Variants in TTN observed in about 807,000 individuals in gnomAD.
TTN encodes titin, also known as connectin.
TTN carries 1,525 observed loss-of-function variants against 3,223.0 expected under a neutral mutation model. The ratio of observed to expected loss-of-function variants is 0.47; its 90% CI spans 0.45 to 0.49. TTN has a LOEUF of 0.49. TTN is among the 20% of genes least tolerant of loss of function. The probability of loss-of-function intolerance (pLI) is 0.00; values close to 1 mark genes in which losing one functional copy is unlikely to be tolerated. For missense variants in TTN, 40,786 were observed against 43,424.0 expected, an observed-to-expected ratio of 0.94 and a Z score of 5.40; for synonymous variants, 14,094 against 15,161.0, an observed-to-expected ratio of 0.93 and a Z score of 5.17.
In TTN at chr2:178,781,135, G is replaced by A. The variant is rs759110931; in HGVS notation, c.3509C>T (p.Ser1170Phe). 8 of 1,613,960 alleles carry A rather than the reference G, an allele frequency of 5.0e-6. No individual in the cohort carries two copies. In the South Asian group the frequency reaches 8.8e-5, roughly 18 times the overall value. The change falls in exon 21 of 363, where the codon TCC becomes TTC. Residue 1170 changes from serine to phenylalanine, a missense_variant. Coordinates refer to ENST00000589042, the MANE Select transcript of TTN (RefSeq NM_001267550.2). ...NKHGETSASA[S>F]LLEEADYELL... ...GTTGCACTTACCTTCTTCAAGCAAGGAAGCAGATGCAGAAGTTTCTCCATG... is the reference window on the plus strand; with the variant it reads ...GTTGCACTTACCTTCTTCAAGCAAGAAAGCAGATGCAGAAGTTTCTCCATG...
chr2:178,587,528 C>T lies in TTN; in HGVS notation c.63781G>A (p.Val21261Ile). 1.2e-6 allele frequency: 2 copies of T among 1,609,120 alleles called. No homozygotes were observed. Among genetic ancestry groups the T allele is most frequent in the South Asian group, 2.2e-5 (2 of 90,558 alleles). ...PAGEKAVFVNVRVLDTPGPVS... is the reference protein window; with the variant it reads ...PAGEKAVFVNIRVLDTPGPVS... Reference sequence around the variant, plus strand: ...TTTAGTAACCCACCTAATACTCTGACATTTACGAATACAGCCTTTTCTCCT... The same window carrying T: ...TTTAGTAACCCACCTAATACTCTGATATTTACGAATACAGCCTTTTCTCCT... Residue 21261 changes from valine to isoleucine, a missense_variant, in exon 306 of 363, where the codon GTC becomes ATC. By Grantham distance (29) the Val-to-Ile change is conservative (BLOSUM62 3). Transcript: ENST00000589042.
Position 178,720,947 on chromosome 2 carries a change from C to T in TTN, c.23072G>A (p.Ser7691Asn). 1.3e-6 allele frequency: 2 copies of T among 1,598,288 alleles called. No homozygotes were observed. Among genetic ancestry groups the T allele is most frequent in the Non-Finnish European group, 1.7e-6 (2 of 1,167,568 alleles). ...CEAHNGVGDA[S>N]CSTALTVKAP... The stretch of plus-strand genomic sequence containing the variant: ...TTTCACTGTCAACGCTGTGCTGCAG[C>T]TGGCGTCACCAACACCATTATGAGC... The change falls in exon 79 of 363, where the codon AGC (serine) becomes AAC (asparagine). Residue 7691 changes from serine to asparagine, a missense_variant. Transcript: ENST00000589042.
chr2:178,720,104 G>T lies in TTN; in HGVS notation c.23538C>A (p.Phe7846Leu). 2 of 1,613,750 alleles carry T rather than the reference G, an allele frequency of 1.2e-6. No homozygotes were observed. The highest frequency in any genetic ancestry group is 1.7e-6 in the Non-Finnish European group (2 of 1,179,716). Reference sequence around the variant, plus strand: ...GCTGGAGGGTTGCAATGTTATCAATGAATGAAATCCTGGTATTTTCACTCT... The same window carrying T: ...GCTGGAGGGTTGCAATGTTATCAATTAATGAAATCCTGGTATTTTCACTCT... ...IRESENTRIS[F>L]IDNIATLQLG... The change falls in exon 81 of 363, where the codon TTC (phenylalanine) becomes TTA (leucine). Residue 7846 changes from phenylalanine to leucine, a missense_variant. Physicochemically the swap from Phe to Leu is conservative, Grantham distance 22. Coordinates refer to ENST00000589042, the MANE Select transcript of TTN (RefSeq NM_001267550.2).
chr2:178,701,508 G>A lies in TTN; in HGVS notation c.30598+20C>T, dbSNP rs752024504. On this transcript the variant is annotated intron_variant, in intron 110 of 362. Coordinates refer to ENST00000589042, the MANE Select transcript of TTN (RefSeq NM_001267550.2). ...GAATATTGCTGCTCCAAGCTCAGAT[G>A]TTGAGGTTCTGGGTCTTACCTTCTG... is the stretch of plus-strand genomic sequence containing the variant. The A allele has an allele frequency of 1.9e-6, 3 of 1,606,406 alleles. No individual in the cohort carries two copies. The highest frequency in any genetic ancestry group is 3.3e-4 in the Middle Eastern group (2 of 6,008).
Position 178,706,933 on chromosome 2 carries a change from G to A in TTN, c.29063C>T (p.Ala9688Val). ...TCCATCTACCGCAGCTTTCTTGGTT[G>A]CTGGGGCCACAGCTGGTTTGTCTGA... is the stretch of plus-strand genomic sequence containing the variant. ...TIKDKPAVAPATKKAAVDGRL... is the reference protein window; with the variant it reads ...TIKDKPAVAPVTKKAAVDGRL... The change falls in exon 101 of 363, where the codon GCA becomes GTA. Residue 9688 changes from alanine to valine, a missense_variant. Physicochemically the swap from Ala to Val is moderately conservative, Grantham distance 64 (BLOSUM62 0). Coordinates refer to ENST00000589042, the MANE Select transcript of TTN (RefSeq NM_001267550.2). 2 of 1,610,950 alleles carry A rather than the reference G, an allele frequency of 1.2e-6. No homozygotes were observed. The highest frequency in any genetic ancestry group is 2.2e-5 in the South Asian group (2 of 90,236).
Position 178,619,657 on chromosome 2 carries a change from T to A in TTN, c.46660A>T (p.Lys15554Ter). The A allele has an allele frequency of 6.2e-7, 1 of 1,612,130 alleles. No individual in the cohort carries two copies. The highest frequency in any genetic ancestry group is 8.5e-7 in the Non-Finnish European group (1 of 1,178,810). The change falls in exon 250 of 363, where the codon AAA becomes TAA. Residue 15554 changes from lysine (K) to a stop codon, truncating the protein, a stop_gained. Transcript: ENST00000589042. LOFTEE classifies it high-confidence loss of function. ...RDQGEYRFIA[K>*]DKEARAKLEL... is the part of the protein sequence containing the mutation. Reference sequence around the variant, plus strand: ...AGCTTAGCTCTGGCTTCTTTGTCTTTGGCAATAAATCTGTATTCACCCTGG... The same window carrying A: ...AGCTTAGCTCTGGCTTCTTTGTCTTAGGCAATAAATCTGTATTCACCCTGG...
In TTN at chr2:178,543,298, T is replaced by C; in HGVS notation, c.96675A>G (p.Lys32225=). 3 of 1,613,724 alleles carry C rather than the reference T, an allele frequency of 1.9e-6. No individual in the cohort carries two copies. Among genetic ancestry groups the C allele is most frequent in the East Asian group, 2.2e-5 (1 of 44,850 alleles). Residue 32225 remains lysine, a synonymous_variant, in exon 347 of 363, where the codon AAA becomes AAG. Coordinates refer to ENST00000589042, the MANE Select transcript of TTN (RefSeq NM_001267550.2). ...TKSTVTLAWE[K]PLYDGGSRLT... ...GTCGGCTACCACCATCGTAGAGTGG[T>C]TTTTCCCAGGCAAGGGTAACAGTGG...
At position 178,724,479 on chromosome 2, in the gene TTN, T is replaced by C. The variant is rs764077044; in HGVS notation, c.20896A>G (p.Thr6966Ala). 4.3e-6 allele frequency: 7 copies of C among 1,612,390 alleles called. No homozygotes were observed. The highest frequency in any genetic ancestry group is 1.1e-5 in the South Asian group (1 of 90,992). Residue 6966 changes from threonine (T) to alanine (A), a missense_variant, in exon 72 of 363, where the codon ACT (threonine) becomes GCT (alanine). Transcript: ENST00000589042. ...GTGCCAGCCACCTTACACTCCAGAG[T>C]GCACGTTTCTCCTACAGTCACCGTC... ...PMTVTVGETC[T>A]LECKVAGTPE... is the part of the protein sequence containing the mutation.
Position 178,557,731 on chromosome 2 carries a change from T to A in TTN, c.87623A>T (p.Tyr29208Phe), listed in dbSNP as rs201831707. 806 of 1,613,874 alleles carry A rather than the reference T, an allele frequency of 5.0e-4. No individual in the cohort carries two copies. The highest frequency in any genetic ancestry group is 6.4e-4 in the Non-Finnish European group (758 of 1,179,864). Residue 29208 changes from tyrosine to phenylalanine, a missense_variant, in exon 328 of 363, where the codon TAC (tyrosine) becomes TTC (phenylalanine). Transcript: ENST00000589042. ...KVMKLTTGEEYQFRIKAENRF... is the reference protein window; with the variant it reads ...KVMKLTTGEEFQFRIKAENRF... ...GTTTTCTGCCTTGATGCGGAATTGG[T>A]ATTCTTCTCCTGTGGTCAGTTTCAT...
At chr2:178,701,252 C>G in intron 110 of TTN, 49 bp from the exon 111 acceptor site, 2 of 1,514,252 alleles carry the variant, frequency 1.3e-6, no homozygotes, top group South Asian at 2.4e-5. Context: ...TCTTATTTTG[C>G]GTAAAATATA....
chr2:178,781,588 T>C (rs2092764079), intron 20 of TTN, among the ~76,000 whole-genome samples: 1 of 152,200 alleles, frequency 6.6e-6, no homozygotes, highest in Non-Finnish European at 1.5e-5. Context: ...TCGTTATTTT[T>C]CTCATTATTT....
rs757657812 is a variant in TTN at position 178,766,493 on chromosome 2, T to C, written c.9591A>G (p.Val3197=). 11 of 1,613,976 alleles carry C rather than the reference T, an allele frequency of 6.8e-6. No homozygotes were observed. In the Admixed American group the frequency reaches 1.2e-4, roughly 17 times the overall value. ...NFQVQERHKY[V]VERRIHRMFI... ...ACATTCGGTGGATTCTTCTTTCCAC[T>C]ACATATTTGTGTCGTTCTTGAACTT... The change falls in exon 41 of 363, where the codon GTA becomes GTG. Residue 3197 remains valine, a synonymous_variant. Coordinates refer to ENST00000589042, the MANE Select transcript of TTN (RefSeq NM_001267550.2).
At position 178,720,374 on chromosome 2, in the gene TTN, T is replaced by C; in HGVS notation, c.23377+11A>G. 1 of 1,604,620 alleles carries C rather than the reference T, an allele frequency of 6.2e-7. No homozygotes were observed. Among genetic ancestry groups the C allele is most frequent in the Non-Finnish European group, 8.5e-7 (1 of 1,174,582 alleles). On this transcript the variant is annotated intron_variant, in intron 80 of 362. Transcript: ENST00000589042. ...GAAGGGGCATATATTTTTGTGTCCATGTATACAAACCTTTGAACTTGACAG... is the reference window on the plus strand; with the variant it reads ...GAAGGGGCATATATTTTTGTGTCCACGTATACAAACCTTTGAACTTGACAG...
At chr2:178,747,600 A>G (rs1201111378) in intron 47 of TTN, 1 of 1,613,256 alleles carries the variant, frequency 6.2e-7, no homozygotes, top group Non-Finnish European at 8.5e-7. Flanking sequence ...GAAGTGATTG[A>G]TTCACTCTGG....
At chr2:178,618,522 G>C in intron 251 of TTN, 31 bp from the exon 252 acceptor site, 15 of 1,609,318 alleles carry the variant, frequency 9.3e-6, no homozygotes, top group Non-Finnish European at 1.2e-5. Context: ...AATTTTTTTA[G>C]TGTGCTGTCT....
chr2:178,604,660 G>A, intron 281 of TTN, 48 bp downstream of exon 281: 1 of 1,513,504 alleles, frequency 6.6e-7, no homozygotes, highest in Non-Finnish European at 8.9e-7. Context: ...CATCAAACCA[G>A]AGTCATGTAC....
intron 162 of TTN, 53 bp downstream of exon 162, chr2:178,667,183 G>T (rs1174514217): frequency 6.3e-6 from 9 of 1,420,726 alleles, no homozygotes; most frequent in Non-Finnish European, 8.7e-6. Flanking sequence ...ATATTTTGCA[G>T]ACTGAAGACA....
In TTN at chr2:178,528,617, T is replaced by G. The variant is rs727504949; in HGVS notation, c.107134A>C (p.Asn35712His). 26 of 1,612,662 alleles carry G rather than the reference T, an allele frequency of 1.6e-5. No homozygotes were observed. In the East Asian group the frequency reaches 5.3e-4, roughly 33 times the overall value. The change falls in exon 360 of 363, where the codon AAT (asparagine) becomes CAT (histidine). Residue 35712 changes from asparagine to histidine, a missense_variant. Coordinates refer to ENST00000589042, the MANE Select transcript of TTN (RefSeq NM_001267550.2). ...AGAACATTTTGTCCTTCATTAATAT[T>G]TTGAGATCTAGGCTGTGAGATGAAG... ...PAFISQPRSQ[N>H]INEGQNVLFT... is the part of the protein sequence containing the mutation.
Position 178,632,349 on chromosome 2 carries a change from T to TA in TTN, c.43544dup (p.Phe14516IlefsTer8), listed in dbSNP as rs752856716. 3 of 1,605,944 alleles carry TA rather than the reference T, an allele frequency of 1.9e-6. No individual in the cohort carries two copies. Among genetic ancestry groups the TA allele is most frequent in the Non-Finnish European group, 2.6e-6 (3 of 1,175,798 alleles). Reference sequence around the variant, plus strand: ...TATCATGAGATAACTCCACAGTAAATACAGCACTTTCCTTCTCTTTGGCAG... The same window carrying TA: ...TATCATGAGATAACTCCACAGTAAATAACAGCACTTTCCTTCTCTTTGGCAG... On this transcript the variant is annotated frameshift_variant, in exon 236 of 363. Coordinates refer to ENST00000589042, the MANE Select transcript of TTN (RefSeq NM_001267550.2). LOFTEE classifies it high-confidence loss of function.
Sources: allele counts gnomAD v4.1 joint callset (sites outside exome capture counted in the v4.1 genomes callset), GRCh38; gene constraint gnomAD v4.1.1; transcripts MANE v1.5; gene names NCBI Gene and HGNC (gene_info 2026-07-23, HGNC 2026-07-21).